Variants in CACNA2D1 observed in about 807,000 individuals in gnomAD.
CACNA2D1 encodes the protein voltage-dependent calcium channel subunit alpha-2/delta-1.
CACNA2D1 carries 53 observed loss-of-function variants against 171.5 expected under a neutral mutation model. That is an observed-to-expected ratio of 0.31 (90% CI 0.25 to 0.39). CACNA2D1 has a LOEUF of 0.39. Ranked by LOEUF, CACNA2D1 falls within the 10% of genes least tolerant of loss-of-function variation. The pLI is 1.00. For missense variants in CACNA2D1, 903 were observed against 1,299.8 expected (o/e 0.69, Z 4.69); for synonymous variants, 442 against 443.1 (o/e 1.00, Z 0.03).
At chr7:82,381,272 C>T (rs985868642) in intron 1 of CACNA2D1, among the ~76,000 whole-genome samples, 3 of 148,920 alleles carry the variant, frequency 2.0e-5, no homozygotes, top group Non-Finnish European at 4.4e-5. Context: ...TGAGATCGCG[C>T]CATTGCACTC....
intron 10 of CACNA2D1, among the ~76,000 whole-genome samples, chr7:82,040,875 T>C (rs145092219): frequency 1.4e-4 from 22 of 152,118 alleles, no homozygotes; most frequent in Non-Finnish European, 3.1e-4. Context: ...CTCATGAGGC[T>C]GAGGCAGGAG....
chr7:81,977,032 A>G (rs980701336), intron 24 of CACNA2D1, among the ~76,000 whole-genome samples: 21 of 152,112 alleles, frequency 1.4e-4, no homozygotes, highest in African/African-American at 4.8e-4. Flanking sequence ...TCCTATTTGA[A>G]TACCCTTTAT....
chr7:82,245,380 C>A (rs1804783588), intron 3 of CACNA2D1, among the ~76,000 whole-genome samples: 1 of 152,098 alleles, frequency 6.6e-6, no homozygotes, highest in African/African-American at 2.4e-5. Flanking sequence ...CTGGATAATT[C>A]TTTATTCTTG....
At chr7:82,100,174 G>A (rs577939842) in intron 6 of CACNA2D1, among the ~76,000 whole-genome samples, 1 of 152,294 alleles carries the variant, frequency 6.6e-6, no homozygotes, top group East Asian at 1.9e-4. Flanking sequence ...AGAAAAAAGT[G>A]AGTTTTTCAG....
At chr7:82,244,499 C>T (rs938917456) in intron 3 of CACNA2D1, among the ~76,000 whole-genome samples, 1 of 152,004 alleles carries the variant, frequency 6.6e-6, no homozygotes, top group East Asian at 1.9e-4. Context: ...CCAAACAGTG[C>T]TAACCTGTGT....
At chr7:82,327,895 T>C (rs755484400) in intron 3 of CACNA2D1, among the ~76,000 whole-genome samples, 13 of 152,198 alleles carry the variant, frequency 8.5e-5, no homozygotes, top group Non-Finnish European at 1.5e-4. Flanking sequence ...GTCATGCTTC[T>C]GAGGGTCATT....
At chr7:82,070,599 T>C (rs1808210163) in intron 7 of CACNA2D1, among the ~76,000 whole-genome samples, 1 of 152,044 alleles carries the variant, frequency 6.6e-6, no homozygotes, top group Non-Finnish European at 1.5e-5. Flanking sequence ...AGGGAGGAAG[T>C]GTGGAGAAAG....
At chr7:82,392,824 T>A (rs959865943) in intron 1 of CACNA2D1, among the ~76,000 whole-genome samples, 11 of 152,080 alleles carry the variant, frequency 7.2e-5, no homozygotes, top group African/African-American at 2.4e-4. Flanking sequence ...AGAAATATGT[T>A]GCTTTGGATT....
In CACNA2D1 at chr7:82,060,201, T is replaced by G. The variant is rs10954661; in HGVS notation, c.879+227A>C. On this transcript the variant is annotated intron_variant, in intron 10 of 38. Coordinates refer to ENST00000356860, the MANE Select transcript of CACNA2D1 (RefSeq NM_000722.4). ...ATAATATATATATATTATATATATA[T>G]TATATATATAATATATATATAATAT... Among the ~76,000 whole-genome samples, 7 of 10,424 alleles carry G rather than the reference T, an allele frequency of 6.7e-4. 2 individuals are homozygous for G. Among genetic ancestry groups the G allele is most frequent in the South Asian group, 0.013 (2 of 160 alleles). The allele number at this position is 10,424 out of a possible 152,430, so 6.8% of individuals were successfully genotyped here.
intron 1 of CACNA2D1, among the ~76,000 whole-genome samples, chr7:82,440,530 C>T (rs1830421418): frequency 6.6e-6 from 1 of 151,822 alleles, no homozygotes; most frequent in Non-Finnish European, 1.5e-5. Context: ...CATTATGTGG[C>T]TGCTACCATA....
intron 19 of CACNA2D1, among the ~76,000 whole-genome samples, chr7:81,996,237 A>G (rs1193945895): frequency 6.6e-6 from 1 of 152,190 alleles, no homozygotes; most frequent in Non-Finnish European, 1.5e-5. Flanking sequence ...CTGGAGTAAG[A>G]GTCCAGACAC....
chr7:82,248,985 C>T (rs2129311123), intron 3 of CACNA2D1, among the ~76,000 whole-genome samples: 1 of 152,060 alleles, frequency 6.6e-6, no homozygotes. Context: ...GGCGTGGTGG[C>T]AGGCATCTGT....
chr7:82,388,902 G>A (rs974207383), intron 1 of CACNA2D1, among the ~76,000 whole-genome samples: 1 of 151,902 alleles, frequency 6.6e-6, no homozygotes, highest in Non-Finnish European at 1.5e-5. Flanking sequence ...GATGACTGGA[G>A]GCAGGGAGTT....
At chr7:82,246,136 A>G (rs1337404966) in intron 3 of CACNA2D1, among the ~76,000 whole-genome samples, 4 of 151,878 alleles carry the variant, frequency 2.6e-5, no homozygotes, top group African/African-American at 9.7e-5. Context: ...AAAAAAAACT[A>G]GAAAATACTG....
intron 3 of CACNA2D1, among the ~76,000 whole-genome samples, chr7:82,271,012 G>T (rs922767453): frequency 6.6e-6 from 1 of 151,982 alleles, no homozygotes; most frequent in Non-Finnish European, 1.5e-5. Flanking sequence ...TAATTCCCAT[G>T]AGACTCTGGC....
At chr7:82,186,162 CAAAA>C (rs554822143) in intron 3 of CACNA2D1, among the ~76,000 whole-genome samples, 11 of 84,470 alleles carry the variant, frequency 1.3e-4, no homozygotes, top group Admixed American at 7.7e-4. Flanking sequence ...GTCAAAAAAA[CAAAA>C]AAAGAGAGAG....
intron 3 of CACNA2D1, among the ~76,000 whole-genome samples, chr7:82,233,122 T>C (rs898283740): frequency 6.6e-6 from 1 of 152,058 alleles, no homozygotes; most frequent in Admixed American, 6.6e-5. Context: ...GGGTTAATTA[T>C]AAAGAAGAAT....
Position 82,090,030 on chromosome 7 carries a change from T to G in CACNA2D1, c.527-5130A>C, listed in dbSNP as rs186362029. Reference sequence around the variant, plus strand: ...ATATAAAATAGTATAAAGTATGAAATGTGATGTTTTGATACACCTGTATGT... The same window carrying G: ...ATATAAAATAGTATAAAGTATGAAAGGTGATGTTTTGATACACCTGTATGT... On this transcript the variant is annotated intron_variant, in intron 6 of 38. Coordinates refer to ENST00000356860, the MANE Select transcript of CACNA2D1 (RefSeq NM_000722.4). Among the ~76,000 whole-genome samples the G allele has an allele frequency of 1.5e-3, 228 of 152,312 alleles. 3 individuals carry two copies. The highest frequency in any genetic ancestry group is 0.015 in the East Asian group (76 of 5,186).
intron 3 of CACNA2D1, among the ~76,000 whole-genome samples, chr7:82,177,087 T>TTTTTTTTG: frequency 2.4e-5 from 1 of 41,506 alleles, no homozygotes; most frequent in Non-Finnish European, 4.8e-5. Flanking sequence ...TTTTTTTTTT[T>TTTTTTTTG]GGCGGGGGTT....
Sources: gnomAD v4.1 joint callset for allele counts (sites outside exome capture counted in the v4.1 genomes callset) on GRCh38, gnomAD v4.1.1 for gene constraint, MANE v1.5 for transcripts, NCBI Gene and HGNC (gene_info 2026-07-23, HGNC 2026-07-21) for gene names.